Variants in SNRPD1 observed in about 807,000 individuals in gnomAD.
SNRPD1 encodes the protein small nuclear ribonucleoprotein D1 polypeptide.
Under a neutral mutation model 14.4 loss-of-function variants are expected in SNRPD1, and 1 was observed. The observed-to-expected ratio is 0.07, with a 90% CI of 0.02 to 0.33. SNRPD1 has a LOEUF of 0.33. Among genes scored for constraint, SNRPD1 ranks in the 10% least tolerant of loss-of-function variants. SNRPD1 has a pLI of 1.00. For synonymous variants in SNRPD1, 42 were observed against 50.3 expected (o/e 0.83, Z 0.70); for missense variants, 52 against 146.4 (o/e 0.36, Z 3.33).
At chr18:21,620,888 G>A (rs1483034516) in intron 1 of SNRPD1, among the ~76,000 whole-genome samples, 1 of 152,156 alleles carries the variant, frequency 6.6e-6, no homozygotes, top group Non-Finnish European at 1.5e-5. Context: ...TTCAGGCAGG[G>A]CGCGGTGGCT....
intron 1 of SNRPD1, among the ~76,000 whole-genome samples, chr18:21,622,126 G>A (rs556935477): frequency 1.3e-5 from 2 of 151,792 alleles, no homozygotes; most frequent in South Asian, 2.1e-4. Context: ...TCTTTTTACC[G>A]ACTGTAATTC....
At chr18:21,621,493 C>T (rs2097142696) in intron 1 of SNRPD1, among the ~76,000 whole-genome samples, 1 of 152,082 alleles carries the variant, frequency 6.6e-6, no homozygotes. Context: ...TGCTGCCTCC[C>T]GGGTTCAAGC....
At chr18:21,628,321 A>G (rs143143369) in intron 3 of SNRPD1, among the ~76,000 whole-genome samples, 185 of 152,316 alleles carry the variant, frequency 1.2e-3, no homozygotes, top group Admixed American at 4.8e-3. Flanking sequence ...TCAAGGCTGC[A>G]GTGAGGTGTA....
chr18:21,615,691 A>G (rs557773488), intron 1 of SNRPD1, among the ~76,000 whole-genome samples: 85 of 152,330 alleles, frequency 5.6e-4, no homozygotes, highest in African/African-American at 1.9e-3. Context: ...AAAGTTATGT[A>G]TTTTGTTTAC....
chr18:21,615,644 G>C (rs1205261046), intron 1 of SNRPD1, among the ~76,000 whole-genome samples: 1 of 151,888 alleles, frequency 6.6e-6, no homozygotes, highest in African/African-American at 2.4e-5. Flanking sequence ...GAAAAAAAAA[G>C]CTCCGTATTT....
chr18:21,616,747 G>A (rs540802168), intron 1 of SNRPD1, among the ~76,000 whole-genome samples: 21 of 149,512 alleles, frequency 1.4e-4, no homozygotes, highest in African/African-American at 4.2e-4. Flanking sequence ...GTGCAGTGGC[G>A]CACTCTCGGC....
Position 21,631,528 on chromosome 18 carries a change from C to T in SNRPD1, c.*2390C>T, listed in dbSNP as rs2039084210. The stretch of plus-strand genomic sequence containing the variant: ...CTTGGCTCACTGCAAGCTCTGCCTC[C>T]CGGGTTCAGGCCATTCTCCTGCCTC... On this transcript the variant is annotated 3_prime_UTR_variant, in exon 4 of 4. Coordinates refer to ENST00000300413, the MANE Select transcript of SNRPD1 (RefSeq NM_006938.4). 1 of 147,136 alleles carries T rather than the reference C, an allele frequency of 6.8e-6. No homozygotes were observed. The highest frequency in any genetic ancestry group is 2.2e-4 in the South Asian group (1 of 4,624). The allele number at this position is 147,136 out of a possible 1,614,324, so 9.1% of individuals were successfully genotyped here. A position where few individuals can be genotyped will look rare whatever the true frequency, so the allele number is the denominator to read the frequency against.
chr18:21,618,447 GT>G lies in SNRPD1; in HGVS notation c.15-4268del, dbSNP rs955266646. 9.3e-3 allele frequency among the ~76,000 whole-genome samples: 1,368 copies of G among 147,500 alleles called. 22 individuals are homozygous for G. Among genetic ancestry groups the G allele is most frequent in the African/African-American group, 0.032 (1,278 of 40,310 alleles). On this transcript the variant is annotated intron_variant, in intron 1 of 3. Transcript: ENST00000300413. ...GAGCCACCGCGCCTGGCCACATAAG[GT>G]TTTTTTTTTCCTTTTATTTATCTTC...
At chr18:21,625,533 C>G (rs990304410) in intron 3 of SNRPD1, among the ~76,000 whole-genome samples, 3 of 151,820 alleles carry the variant, frequency 2.0e-5, no homozygotes, top group Admixed American at 1.3e-4. Flanking sequence ...TCAGGCTGGT[C>G]TCATACCCCT....
chr18:21,615,536 T>C (rs1022211729), intron 1 of SNRPD1, among the ~76,000 whole-genome samples: 5 of 151,852 alleles, frequency 3.3e-5, no homozygotes, highest in African/African-American at 1.2e-4. Flanking sequence ...GAGAATCCCT[T>C]GAACCCAGGA....
At chr18:21,628,961 C>G in intron 3 of SNRPD1, 101 bp from the exon 4 acceptor site, 2 of 872,030 alleles carry the variant, frequency 2.3e-6, no homozygotes, top group Non-Finnish European at 3.9e-6. Flanking sequence ...TAATAAAGAG[C>G]TATAAACAGG....
intron 3 of SNRPD1, among the ~76,000 whole-genome samples, chr18:21,627,128 G>T (rs941028108): frequency 2.8e-4 from 42 of 152,028 alleles, no homozygotes; most frequent in Admixed American, 2.3e-3. Context: ...AAGTAGCTGG[G>T]CGTGGTGGTG....
At chr18:21,614,023 A>C (rs1453250459) in intron 1 of SNRPD1, among the ~76,000 whole-genome samples, 1 of 152,112 alleles carries the variant, frequency 6.6e-6, no homozygotes, top group African/African-American at 2.4e-5. Context: ...CTGTAATCCC[A>C]ACACTTTGGG....
Position 21,630,263 on chromosome 18 carries a change from A to G in SNRPD1, c.*1125A>G, listed in dbSNP as rs974715859. ...GACAGCAAAACTGTTCTAATTGTTAATAAGGACTTTTAAAAATTGTTTTTG... is the reference window on the plus strand; with the variant it reads ...GACAGCAAAACTGTTCTAATTGTTAGTAAGGACTTTTAAAAATTGTTTTTG... On this transcript the variant is annotated 3_prime_UTR_variant, in exon 4 of 4. Transcript: ENST00000300413. The G allele has an allele frequency of 2.6e-5, 4 of 152,188 alleles. No individual in the cohort carries two copies. Among genetic ancestry groups the G allele is most frequent in the African/African-American group, 7.2e-5 (3 of 41,458 alleles). The allele number at this position is 152,188 out of a possible 1,614,324, so 9.4% of individuals were successfully genotyped here. A position where few individuals can be genotyped will look rare whatever the true frequency, so the allele number is the denominator to read the frequency against.
chr18:21,623,576 T>C (rs967062516), intron 2 of SNRPD1, among the ~76,000 whole-genome samples, 172 bp from the exon 3 acceptor site: 10 of 152,226 alleles, frequency 6.6e-5, no homozygotes, highest in Non-Finnish European at 1.5e-4. Flanking sequence ...GAAACACTGC[T>C]GACATTCCCC....
Sources: allele counts gnomAD v4.1 joint callset (sites outside exome capture counted in the v4.1 genomes callset), GRCh38; gene constraint gnomAD v4.1.1; transcripts MANE v1.5; gene names NCBI Gene and HGNC (gene_info 2026-07-23, HGNC 2026-07-21).